Variants in UNC5D observed in about 807,000 individuals in gnomAD.
UNC5D encodes netrin receptor UNC5D.
In UNC5D, 39 loss-of-function variants were observed where a neutral mutation model predicts 105.4. That is an observed-to-expected ratio of 0.37 (90% confidence interval 0.29 to 0.48). The LOEUF is 0.48. Ranked by LOEUF, UNC5D falls within the 20% of genes least tolerant of loss-of-function variation. The pLI, the probability that UNC5D is intolerant of heterozygous loss-of-function variation, is 0.98. For missense variants in UNC5D, 991 were observed against 1,202.4 expected (o/e 0.82, Z 2.60); for synonymous variants, 452 against 450.4 (o/e 1.00, Z -0.04).
rs752599540 is a variant in UNC5D, at chr8:35,300,446, CAAAAAAAAAAAAAAAAAAAAAA to C, written c.103+64586_103+64607del. The stretch of plus-strand genomic sequence containing the variant: ...TGGGCAACAGAGAGAGACTCCCTCT[CAAAAAAAAAAAAAAAAAAAAAA>C]AAAAAAAAAAAAAAAAAAAAAAAAA... On this transcript the variant is annotated intron_variant, in intron 1 of 16. Coordinates refer to ENST00000404895, the MANE Select transcript of UNC5D (RefSeq NM_080872.4). 7.2e-4 allele frequency among the ~76,000 whole-genome samples: 42 copies of C among 58,390 alleles called. 5 individuals carry two copies. Among genetic ancestry groups the C allele is most frequent in the African/African-American group, 2.5e-3 (39 of 15,594 alleles). The allele number at this position is 58,390 out of a possible 152,430, so 38.3% of individuals were successfully genotyped here. A position where few individuals can be genotyped will look rare whatever the true frequency, so the allele number is the denominator to read the frequency against.
Position 35,235,708 on chromosome 8 carries a change from C to A in UNC5D, c.-77C>A, listed in dbSNP as rs186553151. ...GAAGACTCCCGAGACCCATTCGACT[C>A]GGGACCCTCATCGCCGACCCTTTCC... On this transcript the variant is annotated 5_prime_UTR_variant, in exon 1 of 17. Transcript: ENST00000404895. 5.8e-3 allele frequency: 6,462 copies of A among 1,110,280 alleles called. 31 individuals carry two copies. The highest frequency in any genetic ancestry group is 8.6e-3 in the Middle Eastern group (37 of 4,278). 68.8% of individuals were successfully genotyped at this position (1,110,280 alleles called of 1,614,324 possible).
At chr8:35,603,322 G>T (rs1820027563) in intron 4 of UNC5D, among the ~76,000 whole-genome samples, 1 of 152,094 alleles carries the variant, frequency 6.6e-6, no homozygotes, top group South Asian at 2.1e-4. Flanking sequence ...TTCAGGAGCA[G>T]GTTGTTCAGT....
chr8:35,761,943 G>T (rs1801556960), intron 14 of UNC5D, among the ~76,000 whole-genome samples: 1 of 152,138 alleles, frequency 6.6e-6, no homozygotes, highest in African/African-American at 2.4e-5. Context: ...CTTTTCATTA[G>T]GGCTTAGTGG....
Position 35,575,669 on chromosome 8 carries a change from G to A in UNC5D, c.466+7428G>A, listed in dbSNP as rs144262739. Among the ~76,000 whole-genome samples the A allele has an allele frequency of 2.6e-5, 4 of 152,012 alleles. No homozygotes were observed. The East Asian group carries it at 7.7e-4, about 29-fold the overall frequency. On this transcript the variant is annotated intron_variant, in intron 3 of 16. Coordinates refer to ENST00000404895, the MANE Select transcript of UNC5D (RefSeq NM_080872.4). ...ATATTAAGACCGATGCTCAACACTT[G>A]GTATAAATCATACAAAAGCTTGAAA...
At chr8:35,609,070 T>C (rs1458725352) in intron 4 of UNC5D, among the ~76,000 whole-genome samples, 1 of 151,990 alleles carries the variant, frequency 6.6e-6, no homozygotes, top group East Asian at 1.9e-4. Flanking sequence ...CAACATCCAG[T>C]TTTTTTTAAA....
chr8:35,239,041 ATTCTTGGG>A (rs1347189610), intron 1 of UNC5D, among the ~76,000 whole-genome samples: 1 of 151,818 alleles, frequency 6.6e-6, no homozygotes, highest in African/African-American at 2.4e-5. Context: ...TTTTTTCCTG[ATTCTTGGG>A]TTGTGCTCTT....
At chr8:35,423,115 C>A (rs116983740) in intron 1 of UNC5D, among the ~76,000 whole-genome samples, 1 of 152,288 alleles carries the variant, frequency 6.6e-6, no homozygotes, top group East Asian at 1.9e-4. Flanking sequence ...GCAACTTAAC[C>A]TGTGGTTTAG....
intron 1 of UNC5D, among the ~76,000 whole-genome samples, chr8:35,310,396 G>A (rs1264300442): frequency 7.2e-5 from 11 of 152,104 alleles, no homozygotes; most frequent in Non-Finnish European, 1.2e-4. Flanking sequence ...GAGGCAGGCC[G>A]ATCACTAGAG....
At chr8:35,550,124 T>C (rs559739311) in intron 2 of UNC5D, among the ~76,000 whole-genome samples, 1 of 152,274 alleles carries the variant, frequency 6.6e-6, no homozygotes, top group Non-Finnish European at 1.5e-5. Flanking sequence ...TTATACTAGC[T>C]AATGCATATT....
chr8:35,682,459 A>C (rs1437183621), intron 4 of UNC5D, among the ~76,000 whole-genome samples: 1 of 152,140 alleles, frequency 6.6e-6, no homozygotes, highest in East Asian at 1.9e-4. Context: ...GATAAATTTC[A>C]GTTTTTATGT....
At chr8:35,756,548 C>G (rs1830527024) in intron 13 of UNC5D, among the ~76,000 whole-genome samples, 1 of 137,296 alleles carries the variant, frequency 7.3e-6, no homozygotes, top group African/African-American at 2.8e-5. Context: ...TCACATGAGT[C>G]TTTAAAAAAA....
intron 1 of UNC5D, among the ~76,000 whole-genome samples, chr8:35,354,480 A>G (rs1801440181): frequency 6.6e-6 from 1 of 152,168 alleles, no homozygotes. Context: ...TGTGTTTTCA[A>G]GGTAACTGAG....
chr8:35,260,844 G>A (rs1585435873), intron 1 of UNC5D, among the ~76,000 whole-genome samples: 1 of 152,260 alleles, frequency 6.6e-6, no homozygotes, highest in South Asian at 2.1e-4. Flanking sequence ...TATCCCAGTG[G>A]TTGCAGCATT....
At chr8:35,495,627 G>A (rs897553119) in intron 1 of UNC5D, among the ~76,000 whole-genome samples, 2 of 152,042 alleles carry the variant, frequency 1.3e-5, no homozygotes, top group South Asian at 2.1e-4. Context: ...GGAAGGTGAA[G>A]GTTTACCATA....
At chr8:35,337,178 A>G (rs894691769) in intron 1 of UNC5D, among the ~76,000 whole-genome samples, 1 of 152,190 alleles carries the variant, frequency 6.6e-6, no homozygotes, top group African/African-American at 2.4e-5. Context: ...TATATGCTTG[A>G]GAAGACATGG....
intron 1 of UNC5D, among the ~76,000 whole-genome samples, chr8:35,336,940 G>A (rs1303946669): frequency 6.6e-6 from 1 of 152,106 alleles, no homozygotes; most frequent in Non-Finnish European, 1.5e-5. Context: ...ACAGATGCCA[G>A]CGAGCAGTTG....
Position 35,743,662 on chromosome 8 carries a change from T to C in UNC5D, c.1767-4865T>C, listed in dbSNP as rs1233334109. ...GGAAAAATTGCAATAATATCAAGAA[T>C]TCCTGTGTGTCCTACACTCAGATTC... On this transcript the variant is annotated intron_variant, in intron 11 of 16. Transcript: ENST00000404895. 2.0e-5 allele frequency among the ~76,000 whole-genome samples: 3 copies of C among 152,106 alleles called. No homozygotes were observed. The East Asian group carries it at 5.8e-4, about 29-fold the overall frequency.
intron 1 of UNC5D, among the ~76,000 whole-genome samples, chr8:35,341,455 T>G (rs1005028000): frequency 5.4e-5 from 8 of 148,428 alleles, no homozygotes; most frequent in Non-Finnish European, 1.0e-4. Flanking sequence ...TTTTTTTCTG[T>G]TTTTTTTTGT....
intron 1 of UNC5D, among the ~76,000 whole-genome samples, chr8:35,312,166 G>T (rs1414489724): frequency 6.6e-6 from 1 of 152,078 alleles, no homozygotes; most frequent in Non-Finnish European, 1.5e-5. Flanking sequence ...TCATTGTGAT[G>T]CCTCCTTGTC....
Sources: allele counts gnomAD v4.1 joint callset (sites outside exome capture counted in the v4.1 genomes callset), GRCh38; gene constraint gnomAD v4.1.1; transcripts MANE v1.5; gene names NCBI Gene and HGNC (gene_info 2026-07-23, HGNC 2026-07-21).